Variants in TUSC3 observed in about 807,000 individuals in gnomAD.
The protein encoded by TUSC3 is dolichyl-diphosphooligosaccharide--protein glycosyltransferase subunit TUSC3.
In TUSC3, 45 loss-of-function variants were observed where a neutral mutation model predicts 44.8. That is an observed-to-expected ratio of 1.00 (90% CI 0.79 to 1.29). The LOEUF is 1.29. Among genes scored for constraint, TUSC3 ranks in the 50% most tolerant of loss-of-function variants. The pLI is 0.00. For missense variants in TUSC3, 519 were observed against 437.9 expected, an observed-to-expected ratio of 1.19 and a Z score of -1.65; for synonymous variants, 212 against 152.9, an observed-to-expected ratio of 1.39 and a Z score of -2.85.
intron 6 of TUSC3, among the ~76,000 whole-genome samples, chr8:15,694,608 G>A (rs1289200367): frequency 6.6e-6 from 1 of 151,966 alleles, no homozygotes; most frequent in Non-Finnish European, 1.5e-5. Context: ...TGAGTTTTTT[G>A]TTCTTTTATC....
downstream of TUSC3, among the ~76,000 whole-genome samples, chr8:15,767,450 T>A (rs1246550334): frequency 2.0e-5 from 3 of 149,276 alleles, no homozygotes; most frequent in Non-Finnish European, 3.0e-5. Context: ...AAAAAAACAC[T>A]GTCACATTCC....
chr8:15,623,433 TG>T (rs1805341719), intron 2 of TUSC3, among the ~76,000 whole-genome samples, 184 bp downstream of exon 2: 1 of 152,144 alleles, frequency 6.6e-6, no homozygotes, highest in African/African-American at 2.4e-5. Context: ...ATTCTTTTAT[TG>T]GGGGCATGTA....
chr8:15,445,852 G>T (rs957463576), intron 1 of TUSC3, among the ~76,000 whole-genome samples: 2 of 152,210 alleles, frequency 1.3e-5, no homozygotes, highest in Non-Finnish European at 2.9e-5. Context: ...GATGGTAGAC[G>T]GGGTGGCGGC....
At chr8:15,583,179 C>T (rs531748584) in intron 1 of TUSC3, among the ~76,000 whole-genome samples, 14 of 152,044 alleles carry the variant, frequency 9.2e-5, no homozygotes, top group Admixed American at 5.9e-4. Context: ...GATTTTATGT[C>T]GTCAAAATGA....
At chr8:15,542,450 G>A (rs1404429641) in intron 1 of TUSC3, among the ~76,000 whole-genome samples, 1 of 151,932 alleles carries the variant, frequency 6.6e-6, no homozygotes, top group Non-Finnish European at 1.5e-5. Context: ...TCCCATCGTC[G>A]CCTGAAGTGG....
intron 2 of TUSC3, among the ~76,000 whole-genome samples, chr8:15,516,657 A>G (rs1034735146): frequency 2.6e-5 from 4 of 152,300 alleles, no homozygotes; most frequent in Non-Finnish European, 4.4e-5. Context: ...TCACACTACT[A>G]TTAACCAGAG....
At chr8:15,844,807 A>C in the TUSC3 span, among the ~76,000 whole-genome samples, 1 of 152,110 alleles carries the variant, frequency 6.6e-6, no homozygotes, top group Non-Finnish European at 1.5e-5. Context: ...TGCCTCCGAT[A>C]TTTTAAAGCC....
At chr8:15,813,156 T>C in the TUSC3 span, among the ~76,000 whole-genome samples, 2 of 152,130 alleles carry the variant, frequency 1.3e-5, no homozygotes, top group Admixed American at 6.6e-5. Flanking sequence ...CACAATGCTT[T>C]TGTATCATTG....
intron 9 of TUSC3, among the ~76,000 whole-genome samples, chr8:15,755,925 C>T (rs536828677): frequency 3.7e-4 from 56 of 151,996 alleles, no homozygotes; most frequent in Non-Finnish European, 7.4e-4. Flanking sequence ...TTCACTGGCA[C>T]TCTGTGCTCA....
intron 1 of TUSC3, among the ~76,000 whole-genome samples, chr8:15,426,449 A>G (rs1312230620): frequency 1.3e-5 from 2 of 152,180 alleles, no homozygotes; most frequent in East Asian, 3.9e-4. Flanking sequence ...CTTTGCTTCC[A>G]TGAGTTTGAC....
intron 1 of TUSC3, among the ~76,000 whole-genome samples, chr8:15,568,934 C>T (rs1417102733): frequency 2.6e-5 from 4 of 151,818 alleles, no homozygotes; most frequent in African/African-American, 9.7e-5. Flanking sequence ...TCTGGCAAGG[C>T]ACATTGGTTG....
At chr8:15,793,156 C>G in the TUSC3 span, among the ~76,000 whole-genome samples, 417 of 152,212 alleles carry the variant, frequency 2.7e-3, no homozygotes, top group African/African-American at 9.3e-3. Flanking sequence ...TGCTCTGTGA[C>G]TTACTCTGAC....
intron 2 of TUSC3, among the ~76,000 whole-genome samples, chr8:15,628,346 A>C (rs979463916): frequency 3.9e-5 from 6 of 152,306 alleles, no homozygotes; most frequent in African/African-American, 1.4e-4. Context: ...TATTTTACTT[A>C]ATGCATTTTG....
intron 3 of TUSC3, among the ~76,000 whole-genome samples, chr8:15,658,727 A>C (rs1807286922): frequency 6.6e-6 from 1 of 151,674 alleles, no homozygotes. Flanking sequence ...ATACAAATAT[A>C]TATATTTGTA....
At chr8:15,646,166 TC>T (rs1356765857) in intron 2 of TUSC3, among the ~76,000 whole-genome samples, 4 of 152,124 alleles carry the variant, frequency 2.6e-5, no homozygotes, top group African/African-American at 9.6e-5. Flanking sequence ...TGAAGTGACT[TC>T]CTAAAGAGAG....
At chr8:15,609,390 G>C (rs1343517297) in intron 1 of TUSC3, among the ~76,000 whole-genome samples, 1 of 152,152 alleles carries the variant, frequency 6.6e-6, no homozygotes, top group East Asian at 1.9e-4. Context: ...ATTCCCAAGA[G>C]AGGCAGGCCA....
intron 2 of TUSC3, among the ~76,000 whole-genome samples, chr8:15,519,557 A>G (rs970680378): frequency 3.3e-5 from 5 of 152,078 alleles, no homozygotes; most frequent in African/African-American, 4.8e-5. Flanking sequence ...TTCTCATAGG[A>G]GCAAGAATCC....
At chr8:15,608,014 C>G (rs994166029) in intron 1 of TUSC3, among the ~76,000 whole-genome samples, 6 of 152,124 alleles carry the variant, frequency 3.9e-5, no homozygotes, top group Non-Finnish European at 5.9e-5. Context: ...TTGGGGTTTC[C>G]TTAGCAAACC....
chr8:15,722,526 C>T (rs1810339607), intron 6 of TUSC3, among the ~76,000 whole-genome samples: 1 of 152,018 alleles, frequency 6.6e-6, no homozygotes, highest in African/African-American at 2.4e-5. Flanking sequence ...TTTACCATGC[C>T]TCTTATAGTA....
Sources: gnomAD v4.1 joint callset for allele counts (sites outside exome capture counted in the v4.1 genomes callset) on GRCh38, gnomAD v4.1.1 for gene constraint, MANE v1.5 for transcripts, NCBI Gene and HGNC (gene_info 2026-07-23, HGNC 2026-07-21) for gene names.